Variants in ROBO2 observed in about 807,000 individuals in gnomAD.
The protein encoded by ROBO2 is roundabout homolog 2.
Under a neutral mutation model 160.8 loss-of-function variants are expected in ROBO2, and 53 were observed. That is an observed-to-expected ratio of 0.33 (90% confidence interval 0.26 to 0.41). ROBO2 has a LOEUF of 0.41. ROBO2 is among the 10% of genes least tolerant of loss of function. The pLI is 1.00. For missense variants in ROBO2, 1,577 were observed against 1,722.4 expected, an observed-to-expected ratio of 0.92 and a Z score of 1.49; for synonymous variants, 664 against 611.7, an observed-to-expected ratio of 1.09 and a Z score of -1.26.
intron 2 of ROBO2, among the ~76,000 whole-genome samples, chr3:77,417,806 G>A (rs1201069330): frequency 6.6e-6 from 1 of 151,990 alleles, no homozygotes; most frequent in Non-Finnish European, 1.5e-5. Flanking sequence ...CATCTTTATT[G>A]TGAGATTATG....
intron 2 of ROBO2, among the ~76,000 whole-genome samples, chr3:76,070,660 T>A (rs1166720933): frequency 6.6e-6 from 1 of 152,050 alleles, no homozygotes; most frequent in Non-Finnish European, 1.5e-5. Flanking sequence ...CTTTTGAAAA[T>A]CTCTAATAAA....
chr3:76,018,972 A>G (rs1015481268), intron 2 of ROBO2, among the ~76,000 whole-genome samples: 1 of 151,446 alleles, frequency 6.6e-6, no homozygotes, highest in Non-Finnish European at 1.5e-5. Flanking sequence ...TAATATTTGC[A>G]TTATGGTCTC....
intron 2 of ROBO2, among the ~76,000 whole-genome samples, chr3:77,131,976 A>C (rs1276176429): frequency 2.0e-5 from 3 of 152,118 alleles, no homozygotes. Context: ...AAAATAGGGA[A>C]AATACATTAT....
chr3:76,523,164 GATA>G (rs1356690609), intron 2 of ROBO2, among the ~76,000 whole-genome samples: 2 of 151,784 alleles, frequency 1.3e-5, no homozygotes, highest in Non-Finnish European at 2.9e-5. Context: ...AAGCTTGGGA[GATA>G]ATAATGTACT....
intron 2 of ROBO2, among the ~76,000 whole-genome samples, chr3:76,090,886 TACACCC>T (rs780243879): frequency 1.8e-4 from 27 of 152,140 alleles, no homozygotes; most frequent in Non-Finnish European, 3.5e-4. Flanking sequence ...GGAACAACTG[TACACCC>T]ACATGCGAAC....
intron 2 of ROBO2, among the ~76,000 whole-genome samples, chr3:76,635,233 C>G (rs976954834): frequency 6.6e-6 from 1 of 152,164 alleles, no homozygotes; most frequent in Non-Finnish European, 1.5e-5. Context: ...CTGTCTGGCT[C>G]TTGACTGAGT....
chr3:76,923,463 G>A (rs1411228938), intron 2 of ROBO2, among the ~76,000 whole-genome samples: 3 of 152,150 alleles, frequency 2.0e-5, no homozygotes, highest in Non-Finnish European at 4.4e-5. Context: ...GTATATGATT[G>A]TTATTAGCAA....
chr3:77,310,679 C>G (rs2063469510), intron 2 of ROBO2, among the ~76,000 whole-genome samples: 1 of 151,990 alleles, frequency 6.6e-6, no homozygotes, highest in Non-Finnish European at 1.5e-5. Context: ...TCTTGTTTCT[C>G]TTAAGATTCA....
chr3:76,024,393 G>C (rs1439743264), intron 2 of ROBO2, among the ~76,000 whole-genome samples: 1 of 150,768 alleles, frequency 6.6e-6, no homozygotes, highest in Non-Finnish European at 1.5e-5. Flanking sequence ...TAAAAACCTT[G>C]AGTCGAGTTT....
intron 13 of ROBO2, 139 bp from the exon 15 acceptor site, chr3:77,574,360 G>A: frequency 1.4e-6 from 1 of 722,644 alleles, no homozygotes; most frequent in African/African-American, 1.7e-5. Context: ...TAGAAGCAGA[G>A]AGATTAGCTA....
chr3:76,557,380 A>T (rs1331652154), intron 2 of ROBO2, among the ~76,000 whole-genome samples: 1 of 152,028 alleles, frequency 6.6e-6, no homozygotes, highest in Non-Finnish European at 1.5e-5. Flanking sequence ...AAGCAATTAA[A>T]TATTATCTCT....
intron 2 of ROBO2, among the ~76,000 whole-genome samples, chr3:76,900,376 A>G (rs2075129314): frequency 6.6e-6 from 1 of 152,136 alleles, no homozygotes; most frequent in East Asian, 1.9e-4. Flanking sequence ...GTTGGAGAAG[A>G]CCTTTCCATG....
intron 19 of ROBO2, among the ~76,000 whole-genome samples, chr3:77,598,456 T>A (rs1308687596): frequency 6.8e-6 from 1 of 147,466 alleles, no homozygotes; most frequent in Admixed American, 6.8e-5. Context: ...TATTTATTTA[T>A]ATAGAATATA....
chr3:77,189,905 A>G (rs912922549), intron 2 of ROBO2, among the ~76,000 whole-genome samples: 2 of 151,888 alleles, frequency 1.3e-5, no homozygotes, highest in Non-Finnish European at 2.9e-5. Context: ...AAGGAGTTCA[A>G]GGTTTCCCAG....
intron 2 of ROBO2, among the ~76,000 whole-genome samples, chr3:77,128,021 T>A (rs774962967): frequency 3.3e-4 from 48 of 147,168 alleles, no homozygotes; most frequent in Middle Eastern, 3.4e-3. Flanking sequence ...TCTAAACTTA[T>A]AAGGGTGTGG....
intron 2 of ROBO2, among the ~76,000 whole-genome samples, chr3:76,001,149 C>T (rs143468094): frequency 6.6e-6 from 1 of 152,270 alleles, no homozygotes; most frequent in East Asian, 1.9e-4. Context: ...GGACAAAGTA[C>T]ATTAGCACTA....
Position 76,533,493 on chromosome 3 carries a change from C to A in ROBO2, c.110-564521C>A, listed in dbSNP as rs201240435. Among the ~76,000 whole-genome samples the A allele has an allele frequency of 1.2e-3, 179 of 152,222 alleles. 4 individuals carry two copies. The South Asian group carries it at 0.032, about 27-fold the overall frequency. ...CATCATATTAGAATTTTATTTTACA[C>A]CTGAAAGATTATAAAAATAGAACTA... On this transcript the variant is annotated intron_variant, in intron 2 of 26. Coordinates refer to the ROBO2 transcript ENST00000487694.
chr3:76,301,477 T>C (rs1284101690), intron 2 of ROBO2, among the ~76,000 whole-genome samples: 1 of 152,080 alleles, frequency 6.6e-6, no homozygotes, highest in African/African-American at 2.4e-5. Flanking sequence ...CTTTGTGTTT[T>C]TTATACTAAG....
chr3:76,581,636 C>T (rs567355874), intron 2 of ROBO2, among the ~76,000 whole-genome samples: 2 of 151,904 alleles, frequency 1.3e-5, no homozygotes, highest in Non-Finnish European at 2.9e-5. Flanking sequence ...GATCCTGACT[C>T]AAAAAATTCA....
Sources: gnomAD v4.1 joint callset for allele counts (sites outside exome capture counted in the v4.1 genomes callset) on GRCh38, gnomAD v4.1.1 for gene constraint, MANE v1.5 for transcripts, NCBI Gene and HGNC (gene_info 2026-07-23, HGNC 2026-07-21) for gene names.